Variants in KANSL1 observed in about 807,000 individuals in gnomAD.
KANSL1 encodes MLL1/MLL complex subunit KANSL1.
Under a neutral mutation model 103.6 loss-of-function variants are expected in KANSL1, and 22 were observed. The observed-to-expected ratio is 0.21, with a 90% CI of 0.15 to 0.30. The LOEUF (loss-of-function observed/expected upper bound fraction) is 0.30. Among genes scored for constraint, KANSL1 ranks in the 10% least tolerant of loss-of-function variants. The pLI, the probability that KANSL1 is intolerant of heterozygous loss-of-function variation, is 1.00. For missense variants in KANSL1, 1,337 were observed against 1,399.8 expected (o/e 0.96, Z 0.72); for synonymous variants, 600 against 527.6 (o/e 1.14, Z -1.88).
chr17:46,171,013 T>G lies in KANSL1; in HGVS notation c.1131A>C (p.Ser377=). Residue 377 remains serine (S), a synonymous_variant, in exon 2 of 15, where the codon TCA becomes TCC. Coordinates refer to ENST00000432791, the MANE Select transcript of KANSL1 (RefSeq NM_015443.4). Reference sequence around the variant, plus strand: ...TAGCTGTAAATCTCTCCAATTCTTCTGAAATTGAATTGCTTTTCAGAAAGT... The same window carrying G: ...TAGCTGTAAATCTCTCCAATTCTTCGGAAATTGAATTGCTTTTCAGAAAGT... ...LSNFLKSNSI[S]EELERFTASG... 2 of 1,614,216 alleles carry G rather than the reference T, an allele frequency of 1.2e-6. No individual in the cohort carries two copies. Among genetic ancestry groups the G allele is most frequent in the Non-Finnish European group, 1.7e-6 (2 of 1,180,056 alleles).
intron 2 of KANSL1, among the ~76,000 whole-genome samples, chr17:46,153,346 T>C (rs1345529400): frequency 6.6e-6 from 1 of 152,262 alleles, no homozygotes; most frequent in African/African-American, 2.4e-5. Context: ...TAGCTTTCTA[T>C]GTCGTTTTAC....
intron 6 of KANSL1, among the ~76,000 whole-genome samples, chr17:46,056,132 G>C (rs1287677027): frequency 1.3e-5 from 2 of 152,062 alleles, no homozygotes; most frequent in African/African-American, 2.4e-5. Context: ...CAAGTAGGTG[G>C]GATTACAGGC....
At chr17:46,202,655 TGACTG>T (rs2047841420) in intron 1 of KANSL1, among the ~76,000 whole-genome samples, 1 of 152,220 alleles carries the variant, frequency 6.6e-6, no homozygotes, top group South Asian at 2.1e-4. Context: ...ACCGAGAACA[TGACTG>T]GAATTCAGGA....
intron 1 of KANSL1, among the ~76,000 whole-genome samples, chr17:46,179,165 T>G (rs1031988027): frequency 2.6e-5 from 4 of 152,214 alleles, no homozygotes; most frequent in Admixed American, 2.6e-4. Flanking sequence ...ATGTCAAATA[T>G]GGGAGCTGGG....
At chr17:46,146,446 T>C (rs898361579) in intron 2 of KANSL1, among the ~76,000 whole-genome samples, 5 of 152,174 alleles carry the variant, frequency 3.3e-5, no homozygotes, top group Non-Finnish European at 7.3e-5. Flanking sequence ...ACACTGATCC[T>C]AAATTGAAAA....
intron 2 of KANSL1, among the ~76,000 whole-genome samples, chr17:46,122,061 T>C (rs577480686): frequency 4.2e-4 from 64 of 152,318 alleles, no homozygotes; most frequent in Middle Eastern, 3.4e-3. Context: ...GATAATAAAG[T>C]TGAAAAACCA....
intron 1 of KANSL1, among the ~76,000 whole-genome samples, chr17:46,189,183 T>G (rs993542829): frequency 6.6e-6 from 1 of 151,916 alleles, no homozygotes; most frequent in Non-Finnish European, 1.5e-5. Context: ...ATTACATCTG[T>G]GCACGCCAAC....
At chr17:46,197,507 G>C (rs544249364), upstream of KANSL1, among the ~76,000 whole-genome samples, 1 of 152,364 alleles carries the variant, frequency 6.6e-6, no homozygotes, top group African/African-American at 2.4e-5. Context: ...GCCAAGCATG[G>C]TGGTGCACGC....
chr17:46,058,680 A>T (rs1054491888), intron 6 of KANSL1, among the ~76,000 whole-genome samples: 1 of 150,166 alleles, frequency 6.7e-6, no homozygotes, highest in African/African-American at 2.5e-5. Flanking sequence ...TCAAACCAAC[A>T]CTCTCACTAA....
At chr17:46,099,319 G>A (rs1217911386) in intron 2 of KANSL1, among the ~76,000 whole-genome samples, 2 of 97,308 alleles carry the variant, frequency 2.1e-5, no homozygotes, top group East Asian at 2.6e-4. Context: ...GCGAGACTCC[G>A]TCTCAAAAAA....
chr17:46,211,327 C>T (rs1212583978), intron 1 of KANSL1, among the ~76,000 whole-genome samples: 7 of 151,376 alleles, frequency 4.6e-5, no homozygotes, highest in Non-Finnish European at 7.4e-5. Flanking sequence ...CTGAGCCACA[C>T]TGGAAGAAGA....
intron 4 of KANSL1, among the ~76,000 whole-genome samples, chr17:46,070,458 T>C (rs1393969977): frequency 1.3e-5 from 2 of 152,022 alleles, no homozygotes; most frequent in African/African-American, 2.4e-5. Flanking sequence ...GAAACCCCCA[T>C]AAAACCAAAT....
intron 2 of KANSL1, among the ~76,000 whole-genome samples, chr17:46,114,187 C>T (rs62061846): frequency 7.0e-4 from 107 of 152,108 alleles, no homozygotes; most frequent in Non-Finnish European, 1.4e-3. Context: ...GGTGAAACCC[C>T]GTCTCTACTA....
At position 46,095,734 on chromosome 17, in the gene KANSL1, GT is replaced by G. The variant is rs377422460; in HGVS notation, c.1290-1034del. On this transcript the variant is annotated intron_variant, in intron 2 of 14. Transcript: ENST00000432791. Reference sequence around the variant, plus strand: ...AACATACAATAGAAAATCTAATAAAGTTAAAAGGCCAACTACATTTTGGTGG... The same window carrying G: ...AACATACAATAGAAAATCTAATAAAGTAAAAGGCCAACTACATTTTGGTGG... Among the ~76,000 whole-genome samples, 31 of 152,194 alleles carry G rather than the reference GT, an allele frequency of 2.0e-4. No homozygotes were observed. The East Asian group carries it at 5.8e-3, about 28-fold the overall frequency.
chr17:46,066,470 A>T, intron 6 of KANSL1, 67 bp downstream of exon 6: 1 of 1,392,382 alleles, frequency 7.2e-7, no homozygotes, highest in East Asian at 2.4e-5. Flanking sequence ...CAAAGTTGGC[A>T]AGAGACTAAC....
intron 3 of KANSL1, among the ~76,000 whole-genome samples, chr17:46,084,101 C>A (rs910611913): frequency 4.8e-5 from 7 of 144,870 alleles, no homozygotes; most frequent in African/African-American, 1.7e-4. Flanking sequence ...TGGAGGGTCC[C>A]GGAATGGCGG....
upstream of KANSL1, chr17:46,193,641 T>C: frequency 3.2e-6 from 1 of 311,532 alleles, no homozygotes; most frequent in Non-Finnish European, 6.7e-6. Flanking sequence ...TGTACCTCCA[T>C]CTGCGGAGGC....
Position 46,175,310 on chromosome 17 carries a change from C to CTGTGTG in KANSL1, c.-89-3084_-89-3079dup, listed in dbSNP as rs71138529. On this transcript the variant is annotated intron_variant, in intron 1 of 14. Transcript: ENST00000432791. ...CATATGGGTCGAATCTGTCTTATTG[C>CTGTGTG]TGTGTGTGTGTGTGTGTGTGTGTGT... Among the ~76,000 whole-genome samples the CTGTGTG allele has an allele frequency of 5.0e-3, 691 of 137,538 alleles. 3 individuals are homozygous for CTGTGTG. Among genetic ancestry groups the CTGTGTG allele is most frequent in the African/African-American group, 6.3e-3 (226 of 35,910 alleles). The allele number at this position is 137,538 out of a possible 152,430, so 90.2% of individuals were successfully genotyped here. A position where few individuals can be genotyped will look rare whatever the true frequency, so the allele number is the denominator to read the frequency against.
chr17:46,120,089 A>G (rs568873480), intron 2 of KANSL1: 2 of 152,438 alleles, frequency 1.3e-5, no homozygotes, highest in Admixed American at 1.3e-4. Context: ...AAAAAACTTA[A>G]GAAACAATGT....
Sources: gnomAD v4.1 joint callset for allele counts (sites outside exome capture counted in the v4.1 genomes callset) on GRCh38, gnomAD v4.1.1 for gene constraint, MANE v1.5 for transcripts, NCBI Gene and HGNC (gene_info 2026-07-23, HGNC 2026-07-21) for gene names.